Variants in PDLIM2 observed in about 807,000 individuals in gnomAD.
PDLIM2 encodes PDZ and LIM domain 2.
PDLIM2 carries 51 observed loss-of-function variants against 54.1 expected under a neutral mutation model. That is an observed-to-expected ratio of 0.94 (90% confidence interval 0.75 to 1.19). The LOEUF (loss-of-function observed/expected upper bound fraction) is 1.19, where lower values mean the gene tolerates loss of function less well. Ranked by LOEUF, PDLIM2 falls within the 50% of genes most tolerant of loss-of-function variation. PDLIM2 has a pLI of 0.00. For missense variants in PDLIM2, 912 were observed against 874.0 expected (o/e 1.04, Z -0.55); for synonymous variants, 398 against 385.6 (o/e 1.03, Z -0.38).
chr8:22,591,240 T>G, intron 8 of PDLIM2: 1 of 395,696 alleles, frequency 2.5e-6, no homozygotes. Context: ...CATCTCCAGT[T>G]ATTATCTAAT....
chr8:22,588,631 C>T (rs947447855), intron 6 of PDLIM2: 5 of 152,492 alleles, frequency 3.3e-5, no homozygotes, highest in African/African-American at 1.2e-4. Flanking sequence ...TTTAAGAGCC[C>T]CAGATGGACA....
chr8:22,594,981 G>T (rs766423396), downstream of PDLIM2: 3 of 210,384 alleles, frequency 1.4e-5, no homozygotes, highest in Non-Finnish European at 2.9e-5. Context: ...GAGCTGCCCT[G>T]GGGGTTCACT....
rs1468152407 is a variant in PDLIM2 at position 22,585,088 on chromosome 8, C to CCCGAGGG, written c.1141_1147dup (p.Gly383GlufsTer12). On this transcript the variant is annotated frameshift_variant, in exon 5 of 10. Transcript: ENST00000308354. LOFTEE classifies it high-confidence loss of function. ...CCTACTCCAGCCCAACCTCCCTCAG[C>CCCGAGGG]CCGAGGGCCGGCAGCCCCTTCTCAC... The CCCGAGGG allele has an allele frequency of 6.2e-7, 1 of 1,613,986 alleles. No individual in the cohort carries two copies. The highest frequency in any genetic ancestry group is 8.5e-7 in the Non-Finnish European group (1 of 1,180,022).
intron 8 of PDLIM2, chr8:22,590,024 G>T (rs1800497424): frequency 2.3e-6 from 1 of 436,576 alleles, no homozygotes; most frequent in Admixed American, 4.0e-5. Flanking sequence ...GCAGGGCCTG[G>T]GGCTGGGCCT....
intron 3 of PDLIM2, among the ~76,000 whole-genome samples, chr8:22,582,292 G>T (rs1317048796): frequency 6.6e-6 from 1 of 152,216 alleles, no homozygotes; most frequent in African/African-American, 2.4e-5. Flanking sequence ...TTCTCCAACT[G>T]CCCTGCCCTG....
chr8:22,580,682 C>G (rs1800166851), exon 2 of PDLIM2: 2 of 1,614,038 alleles, frequency 1.2e-6, no homozygotes, highest in Non-Finnish European at 1.7e-6. Context: ...TCCACACGCC[C>G]ATCATGGTGA....
At chr8:22,585,396 A>G (rs1401608348) in exon 6 of PDLIM2, 1 of 1,608,498 alleles carries the variant, frequency 6.2e-7, no homozygotes. Context: ...CTGGAAGCCG[A>G]CAGGTGAGGC....
chr8:22,591,861 C>T (rs1461568029), intron 9 of PDLIM2, 193 bp downstream of exon 8: 5 of 510,180 alleles, frequency 9.8e-6, no homozygotes, highest in East Asian at 3.4e-5. Flanking sequence ...CCTAGGCTAG[C>T]TGCTTCCGGC....
At chr8:22,582,650 C>T (rs1268751824) in intron 3 of PDLIM2, among the ~76,000 whole-genome samples, 5 of 147,546 alleles carry the variant, frequency 3.4e-5, no homozygotes, top group Admixed American at 1.4e-4. Context: ...AGCGTGATCT[C>T]GGCTCACTGC....
At position 22,583,555 on chromosome 8, in the gene PDLIM2, C is replaced by A. The variant is rs557928750; in HGVS notation, c.996-1266C>A. On this transcript the variant is annotated intron_variant, in intron 3 of 9. Transcript: ENST00000308354. The stretch of plus-strand genomic sequence containing the variant: ...CCGAGTCGGGCGGATCACCTGAGGT[C>A]AGGAGTTCAAGACCAGCCTGGCCAA... Among the ~76,000 whole-genome samples, 43 of 152,248 alleles carry A rather than the reference C, an allele frequency of 2.8e-4. 1 individual carries two copies. The highest frequency in any genetic ancestry group is 2.2e-3 in the Admixed American group (34 of 15,300).
At chr8:22,581,445 G>T in exon 3 of PDLIM2, 1 of 1,608,360 alleles carries the variant, frequency 6.2e-7, no homozygotes. Context: ...GGCCATCAAC[G>T]GGGAAAGCGC....
In PDLIM2 at chr8:22,580,717, G is replaced by C; in HGVS notation, c.843+20G>C. 6.2e-7 allele frequency: 1 copy of C among 1,612,114 alleles called. No individual in the cohort carries two copies. The highest frequency in any genetic ancestry group is 8.5e-7 in the Non-Finnish European group (1 of 1,178,606). ...ACTAAGGTAAGGATGGTGGCTCAAA[G>C]AGATGAGAAGGTCCTGCCAGAAGCG... On this transcript the variant is annotated intron_variant, in intron 2 of 9. Transcript: ENST00000308354.
At chr8:22,593,577 C>CAAA (rs59345957) in intron 9 of PDLIM2, 156 bp from the exon 9 acceptor site, 550 of 390,102 alleles carry the variant, frequency 1.4e-3, no homozygotes, top group East Asian at 2.7e-3. Context: ...AACTCCATCT[C>CAAA]AAAAAAAAAA....
chr8:22,589,913 C>G (rs1563873226), intron 8 of PDLIM2, 172 bp downstream of exon 7: 1 of 837,528 alleles, frequency 1.2e-6, no homozygotes, highest in Non-Finnish European at 1.8e-6. Flanking sequence ...AAGGAGCTGA[C>G]GGTCCGGGAG....
downstream of PDLIM2, chr8:22,594,900 T>G: frequency 2.4e-6 from 1 of 417,910 alleles, no homozygotes; most frequent in Non-Finnish European, 4.2e-6. Flanking sequence ...CATTCCAGCC[T>G]GGGAGAGAGA....
chr8:22,585,579 C>G (rs556545780), intron 6 of PDLIM2, 180 bp downstream of exon 5: 4 of 624,190 alleles, frequency 6.4e-6, no homozygotes, highest in African/African-American at 5.7e-5. Context: ...TCGTGGGCCA[C>G]CTGTGCTGTG....
At chr8:22,579,559 C>T in intron 1 of PDLIM2, 1 of 1,438,946 alleles carries the variant, frequency 6.9e-7, no homozygotes, top group South Asian at 1.4e-5. Context: ...CGCGAGCCGG[C>T]CTCGGGGACT....
intron 3 of PDLIM2, among the ~76,000 whole-genome samples, chr8:22,583,365 G>A (rs1390826865): frequency 1.3e-5 from 2 of 152,150 alleles, no homozygotes; most frequent in East Asian, 3.9e-4. Flanking sequence ...TGGGCAGGGT[G>A]CACAGCTGGC....
chr8:22,593,405 G>C lies in PDLIM2; in HGVS notation c.1632-328G>C, dbSNP rs143556416. ...CGTCCTGGCTAACACGGTAAAACCC[G>C]TCTCTACTAAAAATACAAAAACTTA... On this transcript the variant is annotated intron_variant, in intron 9 of 9. Transcript: ENST00000308354. 9.5e-3 allele frequency: 2,469 copies of C among 258,594 alleles called. 54 individuals are homozygous for C. Among genetic ancestry groups the C allele is most frequent in the African/African-American group, 0.05 (2,230 of 44,612 alleles). The allele number at this position is 258,594 out of a possible 1,614,324, so 16.0% of individuals were successfully genotyped here.
Sources: allele counts gnomAD v4.1 joint callset (sites outside exome capture counted in the v4.1 genomes callset), GRCh38; gene constraint gnomAD v4.1.1; transcripts MANE v1.5; gene names NCBI Gene and HGNC (gene_info 2026-07-23, HGNC 2026-07-21).